SEMA7A: variants seen among roughly 807,000 people sequenced by gnomAD.
SEMA7A encodes the protein semaphorin 7A (JohnMiltonHagen blood group), also known as semaphorin-7A.
SEMA7A carries 21 observed loss-of-function variants against 67.5 expected under a neutral mutation model. That is an observed-to-expected ratio of 0.31 (90% CI 0.22 to 0.45). The LOEUF (loss-of-function observed/expected upper bound fraction) is 0.45, where lower values mean the gene tolerates loss of function less well. Ranked by LOEUF, SEMA7A falls within the 20% of genes least tolerant of loss-of-function variation. The pLI is 1.00. For synonymous variants in SEMA7A, 364 were observed against 368.5 expected (o/e 0.99, Z 0.14); for missense variants, 774 against 908.6 (o/e 0.85, Z 1.90).
At chr15:74,430,772 G>GATTT (rs1249446422) in intron 1 of SEMA7A, among the ~76,000 whole-genome samples, 1 of 152,220 alleles carries the variant, frequency 6.6e-6, no homozygotes, top group Admixed American at 6.5e-5. Flanking sequence ...AGGGGGCAAG[G>GATTT]ATTTCCACTG....
At position 74,415,919 on chromosome 15, in the gene SEMA7A, C is replaced by T; in HGVS notation, c.868G>A (p.Val290Ile). ...KWNTFLKAMLVCSDAATNKNF... is the reference protein window; with the variant it reads ...KWNTFLKAMLICSDAATNKNF... ...TTGTTGGTGGCAGCATCACTGCATA[C>T]CAGCATGGCTTTCAGAAAAGTGTTC... The change falls in exon 8 of 14, where the codon GTA becomes ATA. Residue 290 changes from valine to isoleucine, a missense_variant. By Grantham distance (29) the Val-to-Ile change is conservative. Coordinates refer to ENST00000261918, the MANE Select transcript of SEMA7A (RefSeq NM_003612.5). The T allele has an allele frequency of 5.6e-6, 9 of 1,614,136 alleles. No individual in the cohort carries two copies. Among genetic ancestry groups the T allele is most frequent in the Non-Finnish European group, 6.8e-6 (8 of 1,179,984 alleles).
chr15:74,417,778 C>A, intron 4 of SEMA7A, 99 bp downstream of exon 4: 1 of 1,548,254 alleles, frequency 6.5e-7, no homozygotes, highest in South Asian at 1.1e-5. Context: ...CAGGGCAAGG[C>A]CAGCATTGGA....
Position 74,427,823 on chromosome 15 carries a change from G to A in SEMA7A, c.178+5918C>T, listed in dbSNP as rs28362875. Reference sequence around the variant, plus strand: ...TCATTCCTGACCTCCCCAGGGGTCCGCCCTACTTCACAGGCAGAAGACTCA... The same window carrying A: ...TCATTCCTGACCTCCCCAGGGGTCCACCCTACTTCACAGGCAGAAGACTCA... On this transcript the variant is annotated intron_variant, in intron 1 of 13. Coordinates refer to ENST00000261918, the MANE Select transcript of SEMA7A (RefSeq NM_003612.5). 5.4e-3 allele frequency among the ~76,000 whole-genome samples: 820 copies of A among 152,244 alleles called. 9 individuals carry two copies. The highest frequency in any genetic ancestry group is 0.019 in the African/African-American group (794 of 41,530).
rs771024335 is a variant in SEMA7A at position 74,418,284 on chromosome 15, G to A, written c.356C>T (p.Ser119Phe). 1.2e-6 allele frequency: 2 copies of A among 1,612,026 alleles called. No homozygotes were observed. The highest frequency in any genetic ancestry group is 8.5e-7 in the Non-Finnish European group (1 of 1,179,394). Residue 119 changes from serine to phenylalanine, a missense_variant, in exon 3 of 14, where the codon TCC (serine) becomes TTC (phenylalanine). Transcript: ENST00000261918. ...CCCACTCACCCGCTTATCCAGACAG[G>A]ACCCCTTTGTGGAGCCGATATTCAC... Reference protein sequence around the residue: ...RTVNIGSTKGSCLDKRDCENY... With the variant: ...RTVNIGSTKGFCLDKRDCENY...
chr15:74,428,608 GT>G (rs2061061259), intron 1 of SEMA7A, among the ~76,000 whole-genome samples: 1 of 152,218 alleles, frequency 6.6e-6, no homozygotes, highest in Non-Finnish European at 1.5e-5. Flanking sequence ...AGGAGGGTGA[GT>G]GGGGTGCAGA....
At chr15:74,418,203 C>A (rs1162162368) in intron 3 of SEMA7A, 65 bp downstream of exon 3, 52 of 1,514,002 alleles carry the variant, frequency 3.4e-5, no homozygotes, top group Non-Finnish European at 4.3e-5. Context: ...CTTCCTTAGA[C>A]CCTCAGGGTC....
rs371438755 is a variant in SEMA7A, at chr15:74,410,908, C to T, written c.1717G>A (p.Ala573Thr). 2 of 1,614,114 alleles carry T rather than the reference C, an allele frequency of 1.2e-6. No homozygotes were observed. Among genetic ancestry groups the T allele is most frequent in the Non-Finnish European group, 1.7e-6 (2 of 1,180,028 alleles). ...YLSCPMESRH[A>T]TYSWRHKENV... The stretch of plus-strand genomic sequence containing the variant: ...TCCTTGTGGCGCCATGAGTAGGTGG[C>T]GTGGCGGGATTCCATGGGGCAGCTC... Residue 573 changes from alanine to threonine, a missense_variant, in exon 14 of 14, where the codon GCC (alanine) becomes ACC (threonine). Physicochemically the swap from Ala to Thr is moderately conservative, Grantham distance 58. Coordinates refer to ENST00000261918, the MANE Select transcript of SEMA7A (RefSeq NM_003612.5). The surrounding 1 kb of genome is among the most constrained non-coding windows in gnomAD (Gnocchi z 7.5).
chr15:74,421,898 T>G (rs1012470379), intron 1 of SEMA7A, among the ~76,000 whole-genome samples: 8 of 152,156 alleles, frequency 5.3e-5, no homozygotes, highest in South Asian at 2.1e-4. Context: ...CAAGGGAGTA[T>G]GTATCATATC....
intron 1 of SEMA7A, among the ~76,000 whole-genome samples, chr15:74,422,242 C>G (rs943196828): frequency 6.6e-6 from 1 of 152,072 alleles, no homozygotes; most frequent in Non-Finnish European, 1.5e-5. Flanking sequence ...TCCCCATCCT[C>G]TGGCGTCCCC....
In SEMA7A at chr15:74,414,859, A is replaced by C. The variant is rs776665877; in HGVS notation, c.1074T>G (p.Leu358=). Residue 358 remains leucine, a synonymous_variant, in exon 9 of 14, where the codon CTT becomes CTG. Coordinates refer to ENST00000261918, the MANE Select transcript of SEMA7A (RefSeq NM_003612.5). This position sits in a 1 kb window ranked among gnomAD's most constrained non-coding sequence, Gnocchi z 4.1. Reference sequence around the variant, plus strand: ...TCACCTTGCCAGGCCGCGGGTTGGGAAGGCTTGAGTGGTAGCCCTTGAGTG... The same window carrying C: ...TCACCTTGCCAGGCCGCGGGTTGGGCAGGCTTGAGTGGTAGCCCTTGAGTG... ...TSSLKGYHSS[L]PNPRPGKCLP... is the part of the protein sequence containing the mutation. 6.2e-7 allele frequency: 1 copy of C among 1,614,116 alleles called. No homozygotes were observed. Among genetic ancestry groups the C allele is most frequent in the Non-Finnish European group, 8.5e-7 (1 of 1,180,006 alleles).
At chr15:74,418,016 G>T (rs202218725) in intron 3 of SEMA7A, 47 bp from the exon 4 acceptor site, 496 of 1,586,124 alleles carry the variant, frequency 3.1e-4, no homozygotes, top group Non-Finnish European at 4.0e-4. Context: ...TTGCTGGAAG[G>T]CCCTGGCAAG....
chr15:74,425,890 G>A (rs992231246), intron 1 of SEMA7A, among the ~76,000 whole-genome samples: 1 of 152,176 alleles, frequency 6.6e-6, no homozygotes. Flanking sequence ...AGCCCGCATG[G>A]ACTGTGCAGA....
intron 1 of SEMA7A, among the ~76,000 whole-genome samples, chr15:74,432,904 G>A (rs1007074161): frequency 6.6e-6 from 1 of 152,148 alleles, no homozygotes; most frequent in Non-Finnish European, 1.5e-5. Flanking sequence ...CATAGTACAG[G>A]GTCTAAACTG....
intron 1 of SEMA7A, among the ~76,000 whole-genome samples, chr15:74,424,336 A>G (rs1031152272): frequency 6.6e-6 from 1 of 152,096 alleles, no homozygotes; most frequent in African/African-American, 2.4e-5. Context: ...ACAAATCACA[A>G]AACAATCAGG....
rs8028285 is a variant in SEMA7A, at chr15:74,426,687, G to A, written c.178+7054C>T. 6.8e-3 allele frequency among the ~76,000 whole-genome samples: 1,040 copies of A among 152,154 alleles called. 11 individuals carry two copies. The highest frequency in any genetic ancestry group is 0.024 in the African/African-American group (983 of 41,498). Reference sequence around the variant, plus strand: ...GCACTTCGGGAGACCAAGGCAGAAGGATCACATGTGTTCAGGAGTTAGAGG... The same window carrying A: ...GCACTTCGGGAGACCAAGGCAGAAGAATCACATGTGTTCAGGAGTTAGAGG... On this transcript the variant is annotated intron_variant, in intron 1 of 13. Transcript: ENST00000261918.
rs2060928525 is a variant in SEMA7A at position 74,414,540 on chromosome 15, C to T, written c.1294+7G>A. 6.2e-7 allele frequency: 1 copy of T among 1,613,992 alleles called. No individual in the cohort carries two copies. The highest frequency in any genetic ancestry group is 1.3e-5 in the African/African-American group (1 of 75,066). ...AGCAAACTGAGGGTCCCGGGGTAGC[C>T]TCTCACCTGTAGTTAGGTAAAGCAC... On this transcript the variant is annotated splice_region_variant and intron_variant, in intron 10 of 13. Coordinates refer to ENST00000261918, the MANE Select transcript of SEMA7A (RefSeq NM_003612.5). This position sits in a 1 kb window ranked among gnomAD's most constrained non-coding sequence, Gnocchi z 4.1.
At position 74,415,916 on chromosome 15, in the gene SEMA7A, A is replaced by G; in HGVS notation, c.871T>C (p.Cys291Arg). ...TTCTTGTTGGTGGCAGCATCACTGC[A>G]TACCAGCATGGCTTTCAGAAAAGTG... ...WNTFLKAMLV[C>R]SDAATNKNFN... is the part of the protein sequence containing the mutation. Residue 291 changes from cysteine (C) to arginine (R), a missense_variant, in exon 8 of 14, where the codon TGC becomes CGC. By Grantham distance (180) the Cys-to-Arg change is radical (BLOSUM62 -3). Around this residue, in one of 2 missense-constraint regions of SEMA7A, gnomAD observed 427 missense variants for 555.4 expected, o/e 0.77. Coordinates refer to ENST00000261918, the MANE Select transcript of SEMA7A (RefSeq NM_003612.5). The G allele has an allele frequency of 6.2e-7, 1 of 1,614,122 alleles. No individual in the cohort carries two copies. The highest frequency in any genetic ancestry group is 8.5e-7 in the Non-Finnish European group (1 of 1,179,976).
In SEMA7A at chr15:74,411,113, G is replaced by A. The variant is rs1310675025; in HGVS notation, c.1640-128C>T. ...GAACGTGGGGAACCCAGCCCTCAGCGTCCTCCTTTTTTCTCCCGTCTCGCT... is the reference window on the plus strand; with the variant it reads ...GAACGTGGGGAACCCAGCCCTCAGCATCCTCCTTTTTTCTCCCGTCTCGCT... On this transcript the variant is annotated intron_variant, in intron 13 of 13. Transcript: ENST00000261918. This position sits in a 1 kb window ranked among gnomAD's most constrained non-coding sequence, Gnocchi z 4.4. The A allele has an allele frequency of 1.1e-5, 16 of 1,426,602 alleles. No individual in the cohort carries two copies. The highest frequency in any genetic ancestry group is 4.7e-5 in the Admixed American group (2 of 42,538). The allele number at this position is 1,426,602 out of a possible 1,614,324, so 88.4% of individuals were successfully genotyped here.
chr15:74,417,316 C>T lies in SEMA7A; in HGVS notation c.661+19G>A, dbSNP rs2060959281. 1.9e-6 allele frequency: 3 copies of T among 1,602,788 alleles called. No individual in the cohort carries two copies. Among genetic ancestry groups the T allele is most frequent in the African/African-American group, 2.7e-5 (2 of 74,678 alleles). ...CACACCCCCTTGCCCACCCTCAGCC[C>T]AGCCGGAGCCTGACTCACTCTGCAT... On this transcript the variant is annotated intron_variant, in intron 6 of 13. Transcript: ENST00000261918.
Sources: gnomAD v4.1 joint callset for allele counts (sites outside exome capture counted in the v4.1 genomes callset) on GRCh38, gnomAD v4.1.1 for gene constraint, gnomAD v4.1.1 regional missense constraint, Gnocchi (gnomAD v3.1) non-coding constraint, MANE v1.5 for transcripts, NCBI Gene and HGNC (gene_info 2026-07-23, HGNC 2026-07-21) for gene names.